The following PRSS38 variants were observed in gnomAD, a reference collection of about 807,000 sequenced individuals.
The protein encoded by PRSS38 is serine protease 38, also known as marapsin 2.
A neutral mutation model predicts 26.8 loss-of-function variants in PRSS38; 22 were observed. The observed-to-expected ratio is 0.82, with a 90% CI of 0.59 to 1.17. The LOEUF (loss-of-function observed/expected upper bound fraction) is 1.17. Among genes scored for constraint, PRSS38 ranks in the 50% most tolerant of loss-of-function variants. The pLI is 0.00. For missense variants in PRSS38, 427 were observed against 422.7 expected (o/e 1.01, Z -0.09); for synonymous variants, 175 against 172.1 (o/e 1.02, Z -0.13).
intron 3 of PRSS38, among the ~76,000 whole-genome samples, chr1:227,836,295 C>T (rs904475879): frequency 6.6e-6 from 1 of 151,906 alleles, no homozygotes; most frequent in Non-Finnish European, 1.5e-5. Context: ...AGATGGGGGT[C>T]TCATTTTACT....
chr1:227,816,191 G>T lies in PRSS38; in HGVS notation c.250G>T (p.Val84Phe). The T allele has an allele frequency of 6.2e-7, 1 of 1,613,634 alleles. No homozygotes were observed. The highest frequency in any genetic ancestry group is 1.1e-5 in the South Asian group (1 of 91,078). Residue 84 changes from valine to phenylalanine, a missense_variant, in exon 2 of 5, where the codon GTC (valine) becomes TTC (phenylalanine). Physicochemically the swap from Val to Phe is conservative, Grantham distance 50. Transcript: ENST00000366757. This position sits in a 1 kb window ranked among gnomAD's most constrained non-coding sequence, Gnocchi z 5.1. ...CAGCGTGCACTACGCAGGCCTCCACGTCTGCGGCGGCTCCATCCTCAATGA... is the reference window on the plus strand; with the variant it reads ...CAGCGTGCACTACGCAGGCCTCCACTTCTGCGGCGGCTCCATCCTCAATGA...
intron 3 of PRSS38, among the ~76,000 whole-genome samples, chr1:227,827,585 CTTT>C (rs1274323903): frequency 1.3e-5 from 2 of 149,794 alleles, no homozygotes; most frequent in Admixed American, 6.6e-5. Context: ...CTCTTTTCTT[CTTT>C]ATTAGTCTAG....
chr1:227,817,839 T>C (rs1348980871), intron 3 of PRSS38, among the ~76,000 whole-genome samples: 2 of 152,224 alleles, frequency 1.3e-5, no homozygotes, highest in Non-Finnish European at 2.9e-5. Context: ...GTGCATTCTT[T>C]CTAGATTTAT....
At chr1:227,831,985 G>T (rs536690238) in intron 3 of PRSS38, among the ~76,000 whole-genome samples, 1 of 152,254 alleles carries the variant, frequency 6.6e-6, no homozygotes, top group African/African-American at 2.4e-5. Context: ...GGCTCTGATT[G>T]GGTGCATACA....
At chr1:227,842,077 TG>T (rs1471796022) in intron 3 of PRSS38, among the ~76,000 whole-genome samples, 1 of 152,140 alleles carries the variant, frequency 6.6e-6, no homozygotes, top group Non-Finnish European at 1.5e-5. Flanking sequence ...TCCACAGCAC[TG>T]ATCTATTCAT....
rs368943352 is a variant in PRSS38 at position 227,845,619 on chromosome 1, C to G, written c.726+7C>G. ...TGCTAAGACCGTGTGTGAGGTGTGC[C>G]CCTCCTGGTCCATGAGACAGAGGTC... is the stretch of plus-strand genomic sequence containing the variant. On this transcript the variant is annotated splice_region_variant and intron_variant, in intron 4 of 4. Transcript: ENST00000366757. 3 of 1,611,506 alleles carry G rather than the reference C, an allele frequency of 1.9e-6. No individual in the cohort carries two copies. Among genetic ancestry groups the G allele is most frequent in the Non-Finnish European group, 2.5e-6 (3 of 1,178,386 alleles).
At chr1:227,839,848 A>T (rs1429852998) in intron 3 of PRSS38, among the ~76,000 whole-genome samples, 1 of 152,098 alleles carries the variant, frequency 6.6e-6, no homozygotes, top group African/African-American at 2.4e-5. Context: ...GCACTTTCTT[A>T]ATTCTTCCGA....
chr1:227,839,088 T>C (rs1405310510), intron 3 of PRSS38, among the ~76,000 whole-genome samples: 1 of 152,188 alleles, frequency 6.6e-6, no homozygotes, highest in Non-Finnish European at 1.5e-5. Flanking sequence ...ATGTTTTGCA[T>C]TTTTATGCTT....
At chr1:227,834,888 C>T (rs1665216995) in intron 3 of PRSS38, among the ~76,000 whole-genome samples, 1 of 152,008 alleles carries the variant, frequency 6.6e-6, no homozygotes, top group African/African-American at 2.4e-5. Context: ...ATATCAAAGA[C>T]AATACCAAGA....
rs71180764 is a variant in PRSS38 at position 227,818,675 on chromosome 1, CAAAAAAAAAAA to C, written c.583+1209_583+1219del. Among the ~76,000 whole-genome samples, 9 of 61,062 alleles carry C rather than the reference CAAAAAAAAAAA, an allele frequency of 1.5e-4. No homozygotes were observed. The East Asian group carries it at 3.8e-3, about 25-fold the overall frequency. 40.1% of individuals were successfully genotyped at this position (61,062 alleles called of 152,430 possible). ...CCTGGGCAACAGTGAGACCTTCTCT[CAAAAAAAAAAA>C]AAAAAAAAAAAAACGTATTTAATGT... On this transcript the variant is annotated intron_variant, in intron 3 of 4. Coordinates refer to ENST00000366757, the Ensembl canonical transcript of PRSS38.
intron 3 of PRSS38, among the ~76,000 whole-genome samples, chr1:227,829,470 T>C (rs1665120932): frequency 6.6e-6 from 1 of 152,200 alleles, no homozygotes; most frequent in African/African-American, 2.4e-5. Context: ...AAAGTGCTTT[T>C]GAGCACTCCC....
chr1:227,833,877 A>T (rs1161125874), intron 3 of PRSS38, among the ~76,000 whole-genome samples: 1 of 152,234 alleles, frequency 6.6e-6, no homozygotes, highest in Non-Finnish European at 1.5e-5. Context: ...TGGTTGAATT[A>T]TGTCCCCCAA....
Position 227,816,267 on chromosome 1 carries a change from G to T in PRSS38, c.311+15G>T, listed in dbSNP as rs774297901. The T allele has an allele frequency of 1.2e-6, 2 of 1,603,632 alleles. No homozygotes were observed. The highest frequency in any genetic ancestry group is 1.7e-6 in the Non-Finnish European group (2 of 1,172,296). ...TGCTTTCACAGGTAAGCGGGCGCCG[G>T]CCTGGGATGGTGTGGGTAGCTGGGC... On this transcript the variant is annotated intron_variant, in intron 2 of 4. Transcript: ENST00000366757. This position sits in a 1 kb window ranked among gnomAD's most constrained non-coding sequence, Gnocchi z 5.1.
chr1:227,840,286 T>G (rs575066445), intron 3 of PRSS38, among the ~76,000 whole-genome samples: 2 of 152,262 alleles, frequency 1.3e-5, no homozygotes, highest in African/African-American at 2.4e-5. Flanking sequence ...CACACCCAGC[T>G]AATTTTTGTA....
At chr1:227,837,958 A>C (rs908864773) in intron 3 of PRSS38, among the ~76,000 whole-genome samples, 3 of 151,902 alleles carry the variant, frequency 2.0e-5, no homozygotes. Context: ...GTCTTGCTCT[A>C]TTTCCCAGGC....
chr1:227,845,924 G>T (rs557106418), intron 4 of PRSS38, 30 bp from the exon 5 acceptor site: 3 of 1,611,508 alleles, frequency 1.9e-6, no homozygotes, highest in Admixed American at 3.3e-5. Context: ...GGGACTCCCA[G>T]TTCACAAAAA....
exon 5 of PRSS38, chr1:227,846,259 C>A: frequency 1.9e-6 from 3 of 1,587,014 alleles, no homozygotes; most frequent in African/African-American, 1.3e-5. Context: ...CTGCCCCAGC[C>A]CAGCTGCCTC....
At chr1:227,826,294 G>A (rs1407817991) in intron 3 of PRSS38, among the ~76,000 whole-genome samples, 2 of 152,098 alleles carry the variant, frequency 1.3e-5, no homozygotes, top group African/African-American at 2.4e-5. Context: ...GAGATGATGG[G>A]GTTTTCTAGA....
At chr1:227,842,669 C>T (rs1357751241) in intron 3 of PRSS38, among the ~76,000 whole-genome samples, 1 of 152,026 alleles carries the variant, frequency 6.6e-6, no homozygotes, top group Non-Finnish European at 1.5e-5. Flanking sequence ...CAACCTCCGC[C>T]TTCTGGGTTC....
Sources: allele counts gnomAD v4.1 joint callset (sites outside exome capture counted in the v4.1 genomes callset), GRCh38; gene constraint gnomAD v4.1.1; non-coding constraint Gnocchi (gnomAD v3.1); transcripts MANE v1.5; gene names NCBI Gene and HGNC (gene_info 2026-07-23, HGNC 2026-07-21).